CDK13: variants seen among roughly 807,000 people sequenced by gnomAD.
CDK13 encodes the protein cyclin dependent kinase 13, also known as cyclin-dependent kinase 13.
CDK13 carries 40 observed loss-of-function variants against 137.6 expected under a neutral mutation model. The observed-to-expected ratio is 0.29, with a 90% CI of 0.23 to 0.38. The LOEUF (loss-of-function observed/expected upper bound fraction) is 0.38. CDK13 is among the 10% of genes least tolerant of loss of function. The probability of loss-of-function intolerance (pLI) is 1.00; values close to 1 mark genes in which losing one functional copy is unlikely to be tolerated. For synonymous variants in CDK13, 869 were observed against 760.1 expected, an observed-to-expected ratio of 1.14 and a Z score of -2.36; for missense variants, 1,704 against 1,951.8, an observed-to-expected ratio of 0.87 and a Z score of 2.39.
chr7:40,042,256 T>A (rs1260612513), intron 5 of CDK13, among the ~76,000 whole-genome samples: 1 of 151,838 alleles, frequency 6.6e-6, no homozygotes, highest in African/African-American at 2.4e-5. Context: ...TTTTTTTGTA[T>A]TTTTAGTAGA....
intron 7 of CDK13, among the ~76,000 whole-genome samples, chr7:40,056,177 C>T (rs769099302): frequency 1.3e-5 from 2 of 152,146 alleles, no homozygotes; most frequent in Non-Finnish European, 2.9e-5. Context: ...TCTGTCTGCA[C>T]ACTTTCTCAA....
intron 1 of CDK13, among the ~76,000 whole-genome samples, chr7:39,983,022 T>C (rs572649497): frequency 5.3e-4 from 80 of 152,220 alleles, no homozygotes; most frequent in Non-Finnish European, 9.1e-4. Context: ...TTAGTTTAAT[T>C]AGATCCCATT....
chr7:40,039,908 G>C (rs34679614), intron 5 of CDK13, among the ~76,000 whole-genome samples: 176 of 151,060 alleles, frequency 1.2e-3, no homozygotes, highest in African/African-American at 4.1e-3. Context: ...TTGATTCCTA[G>C]TTGGAACTTT....
chr7:39,981,723 G>C (rs1335187511), intron 1 of CDK13, among the ~76,000 whole-genome samples: 1 of 151,910 alleles, frequency 6.6e-6, no homozygotes, highest in East Asian at 1.9e-4. Context: ...GGAGAGGAAC[G>C]GAAGTTGTAT....
At chr7:40,053,294 C>A (rs1785934441) in intron 7 of CDK13, among the ~76,000 whole-genome samples, 1 of 152,172 alleles carries the variant, frequency 6.6e-6, no homozygotes, top group South Asian at 2.1e-4. Context: ...AACCTTGTTA[C>A]AAAACCTATC....
At chr7:39,987,372 C>T (rs1784361646) in intron 1 of CDK13, among the ~76,000 whole-genome samples, 3 of 152,180 alleles carry the variant, frequency 2.0e-5, no homozygotes, top group Non-Finnish European at 4.4e-5. Context: ...CTAATTTTTA[C>T]ATTTGTAGAC....
chr7:39,978,359 T>G (rs938048752), intron 1 of CDK13, among the ~76,000 whole-genome samples: 2 of 152,228 alleles, frequency 1.3e-5, no homozygotes, highest in Non-Finnish European at 2.9e-5. Flanking sequence ...TCTTTTTCTT[T>G]TTTTGAAAGG....
Position 39,960,870 on chromosome 7 carries a change from C to T in CDK13, c.1211+9018C>T, listed in dbSNP as rs572178691. On this transcript the variant is annotated intron_variant, in intron 1 of 13. Transcript: ENST00000181839. Reference sequence around the variant, plus strand: ...GATTACAGGCGTGAGCCACCGCACCCGGCCAATTTATTTTTTATTGACAAA... The same window carrying T: ...GATTACAGGCGTGAGCCACCGCACCTGGCCAATTTATTTTTTATTGACAAA... Among the ~76,000 whole-genome samples, 7 of 152,034 alleles carry T rather than the reference C, an allele frequency of 4.6e-5. No individual in the cohort carries two copies. The South Asian group carries it at 8.3e-4, about 18-fold the overall frequency.
At chr7:40,082,696 C>T (rs941235566) in intron 11 of CDK13, among the ~76,000 whole-genome samples, 7 of 149,114 alleles carry the variant, frequency 4.7e-5, no homozygotes, top group Admixed American at 2.7e-4. Context: ...AAGGCTGAGG[C>T]AGGAGAGTCA....
At chr7:39,957,920 A>G (rs573413757) in intron 1 of CDK13, among the ~76,000 whole-genome samples, 1 of 152,252 alleles carries the variant, frequency 6.6e-6, no homozygotes, top group South Asian at 2.1e-4. Flanking sequence ...TTTTGTGTGA[A>G]TATCATTTTG....
chr7:40,043,041 G>A (rs1402935213), intron 5 of CDK13, among the ~76,000 whole-genome samples: 1 of 152,200 alleles, frequency 6.6e-6, no homozygotes, highest in Non-Finnish European at 1.5e-5. Context: ...ATCTCCCAAA[G>A]TGCTTGGATT....
In CDK13 at chr7:39,976,323, T is replaced by TCTCTCTCTCTCACACA; in HGVS notation, c.1212-11275_1212-11274insTCTCTCTCTCACACAC. Reference sequence around the variant, plus strand: ...CTCTCTCTCTCTCTCTCTCTCTCTCTCACACACACACACACACACACACAC... The same window carrying TCTCTCTCTCTCACACA: ...CTCTCTCTCTCTCTCTCTCTCTCTCTCTCTCTCTCTCACACACACACACACACACACACACACACAC... On this transcript the variant is annotated intron_variant, in intron 1 of 13. Coordinates refer to ENST00000181839, the MANE Select transcript of CDK13 (RefSeq NM_003718.5). Among the ~76,000 whole-genome samples, 233 of 39,558 alleles carry TCTCTCTCTCTCACACA rather than the reference T, an allele frequency of 5.9e-3. 4 individuals carry two copies. Among genetic ancestry groups the TCTCTCTCTCTCACACA allele is most frequent in the Non-Finnish European group, 8.5e-3 (145 of 17,108 alleles). 26.0% of individuals were successfully genotyped at this position (39,558 alleles called of 152,430 possible).
At chr7:39,988,391 G>T in intron 2 of CDK13, 133 bp downstream of exon 2, 1 of 615,104 alleles carries the variant, frequency 1.6e-6, no homozygotes, top group South Asian at 2.5e-5. Context: ...GAATTTTCTT[G>T]ATTATATGCA....
chr7:40,011,876 T>C (rs779821147), intron 5 of CDK13, among the ~76,000 whole-genome samples: 15 of 152,228 alleles, frequency 9.9e-5, no homozygotes, highest in Non-Finnish European at 1.3e-4. Flanking sequence ...TATTTGTATA[T>C]TGTATATCTT....
At chr7:40,027,654 G>A (rs1785272299) in intron 5 of CDK13, among the ~76,000 whole-genome samples, 1 of 135,208 alleles carries the variant, frequency 7.4e-6, no homozygotes, top group South Asian at 2.2e-4. Context: ...ACACCCTTGG[G>A]CTTTTTTTTT....
At chr7:39,978,103 G>A (rs1211196340) in intron 1 of CDK13, among the ~76,000 whole-genome samples, 3 of 152,072 alleles carry the variant, frequency 2.0e-5, no homozygotes, top group Non-Finnish European at 4.4e-5. Context: ...GATGATTTGC[G>A]GGGGTGATGG....
chr7:40,082,068 A>G (rs1786674487), intron 11 of CDK13, among the ~76,000 whole-genome samples: 1 of 152,202 alleles, frequency 6.6e-6, no homozygotes, highest in African/African-American at 2.4e-5. Context: ...TATGAATTCC[A>G]ATTTTATTTT....
At chr7:40,005,942 C>T (rs767017273) in intron 5 of CDK13, among the ~76,000 whole-genome samples, 7 of 152,064 alleles carry the variant, frequency 4.6e-5, no homozygotes, top group Non-Finnish European at 8.8e-5. Flanking sequence ...CCAAGGCCGG[C>T]GTCAAACTCC....
At chr7:40,077,577 G>A (rs1395688882) in intron 9 of CDK13, among the ~76,000 whole-genome samples, 4 of 152,086 alleles carry the variant, frequency 2.6e-5, no homozygotes, top group Admixed American at 6.6e-5. Flanking sequence ...AACGAGGGCC[G>A]GGCGTGGTGG....
Sources: allele counts gnomAD v4.1 joint callset (sites outside exome capture counted in the v4.1 genomes callset), GRCh38; gene constraint gnomAD v4.1.1; transcripts MANE v1.5; gene names NCBI Gene and HGNC (gene_info 2026-07-23, HGNC 2026-07-21).